TPRG1: variants seen among roughly 807,000 people sequenced by gnomAD.
TPRG1 encodes tumor protein p63-regulated gene 1 protein.
TPRG1 carries 29 observed loss-of-function variants against 29.3 expected under a neutral mutation model. That is an observed-to-expected ratio of 0.99 (90% CI 0.74 to 1.35). The LOEUF (loss-of-function observed/expected upper bound fraction) is 1.35. TPRG1 is among the 40% of genes most tolerant of loss of function. TPRG1 has a pLI of 0.00. For missense variants in TPRG1, 327 were observed against 335.0 expected (o/e 0.98, Z 0.19); for synonymous variants, 130 against 116.8 (o/e 1.11, Z -0.73).
intron 4 of TPRG1, among the ~76,000 whole-genome samples, chr3:189,075,111 A>G (rs73048792): frequency 0.058 from 8,781 of 150,758 alleles, 830 homozygotes; most frequent in African/African-American, 0.2. Flanking sequence ...GAGCGAATTC[A>G]TGCTCTGATT....
At position 189,085,977 on chromosome 3, in the gene TPRG1, T is replaced by C. The variant is rs566194634; in HGVS notation, c.-462-41080T>C. ...ATATGAAAGGGAATTTATTAAGGAG[T>C]GCTGACTCACACCATCGCAAGATGA... On this transcript the variant is annotated intron_variant, in intron 4 of 10. Coordinates refer to the TPRG1 transcript ENST00000433971. 6.6e-4 allele frequency among the ~76,000 whole-genome samples: 101 copies of C among 152,094 alleles called. 1 individual carries two copies. The South Asian group carries it at 0.02, about 29-fold the overall frequency.
intron 2 of TPRG1, among the ~76,000 whole-genome samples, chr3:189,129,444 G>T (rs958495810): frequency 1.3e-5 from 2 of 152,152 alleles, no homozygotes; most frequent in African/African-American, 4.8e-5. Flanking sequence ...ACTTGGTTAA[G>T]ATGGCATCTG....
intron 2 of TPRG1, among the ~76,000 whole-genome samples, chr3:189,128,925 G>A (rs897886502): frequency 4.6e-5 from 7 of 152,044 alleles, no homozygotes; most frequent in African/African-American, 9.7e-5. Flanking sequence ...GTGAGCTGCC[G>A]CACCCGGCCC....
At chr3:189,065,232 A>G (rs1447358057) in intron 4 of TPRG1, among the ~76,000 whole-genome samples, 3 of 152,158 alleles carry the variant, frequency 2.0e-5, no homozygotes, top group Non-Finnish European at 2.9e-5. Context: ...TTACTAAAGA[A>G]TAATACCAAA....
intron 4 of TPRG1, among the ~76,000 whole-genome samples, chr3:189,258,112 G>C (rs1488351322): frequency 6.6e-6 from 1 of 151,994 alleles, no homozygotes; most frequent in Non-Finnish European, 1.5e-5. Flanking sequence ...GCCTTTTTGT[G>C]CTGGTTTTTC....
intron 3 of TPRG1, among the ~76,000 whole-genome samples, chr3:189,218,639 G>A (rs1230043006): frequency 2.6e-5 from 4 of 152,174 alleles, no homozygotes; most frequent in Non-Finnish European, 5.9e-5. Flanking sequence ...GTGAACTTAC[G>A]TTAGCTTCAC....
chr3:189,306,923 A>C (rs1160047119), intron 4 of TPRG1, among the ~76,000 whole-genome samples: 1 of 152,226 alleles, frequency 6.6e-6, no homozygotes, highest in African/African-American at 2.4e-5. Flanking sequence ...TTCAGAAAGA[A>C]AACTTCCAAA....
chr3:189,277,849 A>C (rs1177857046), intron 4 of TPRG1, among the ~76,000 whole-genome samples: 1 of 152,208 alleles, frequency 6.6e-6, no homozygotes, highest in African/African-American at 2.4e-5. Context: ...CAACTTACTC[A>C]AAAATGGGGA....
intron 4 of TPRG1, among the ~76,000 whole-genome samples, chr3:189,264,635 G>A (rs1222621255): frequency 6.6e-6 from 1 of 151,726 alleles, no homozygotes; most frequent in Admixed American, 6.6e-5. Flanking sequence ...GACTACTAGA[G>A]TTTTTTTTCC....
intron 4 of TPRG1, among the ~76,000 whole-genome samples, chr3:189,034,041 G>A (rs1007873158): frequency 7.2e-5 from 11 of 152,148 alleles, no homozygotes; most frequent in Non-Finnish European, 1.5e-4. Context: ...GATGGTTTAC[G>A]TGTAGCTATG....
intron 1 of TPRG1, among the ~76,000 whole-genome samples, chr3:189,193,153 T>TTTTTTG (rs1731972669): frequency 7.0e-6 from 1 of 142,536 alleles, no homozygotes. Context: ...TTTTTTTTTT[T>TTTTTTG]GAGATGAGGT....
At chr3:189,233,831 G>A (rs910033674) in intron 3 of TPRG1, among the ~76,000 whole-genome samples, 1 of 152,024 alleles carries the variant, frequency 6.6e-6, no homozygotes, top group African/African-American at 2.4e-5. Context: ...CTGTGATTAG[G>A]GCCACAACTG....
chr3:189,051,975 C>G (rs550367706), intron 4 of TPRG1, among the ~76,000 whole-genome samples: 31 of 152,274 alleles, frequency 2.0e-4, no homozygotes, highest in Admixed American at 3.9e-4. Flanking sequence ...AACCTAATAC[C>G]TGAAACTATA....
intron 4 of TPRG1, among the ~76,000 whole-genome samples, chr3:189,291,983 G>C (rs1719076555): frequency 6.6e-6 from 1 of 152,224 alleles, no homozygotes; most frequent in Admixed American, 6.5e-5. Flanking sequence ...TGAGCTCCGG[G>C]AGGACAGGTA....
intron 4 of TPRG1, among the ~76,000 whole-genome samples, chr3:189,033,667 C>T (rs910084436): frequency 2.0e-5 from 3 of 151,818 alleles, no homozygotes; most frequent in Non-Finnish European, 4.4e-5. Flanking sequence ...GCAAGCTCCA[C>T]CTCCCGGGTT....
At chr3:189,279,587 G>A (rs1424764125) in intron 4 of TPRG1, among the ~76,000 whole-genome samples, 1 of 152,044 alleles carries the variant, frequency 6.6e-6, no homozygotes, top group Non-Finnish European at 1.5e-5. Context: ...CCTTTCTCAA[G>A]GGTTGTTGTG....
At chr3:189,144,103 T>A (rs1724932564) in intron 3 of TPRG1, among the ~76,000 whole-genome samples, 1 of 152,200 alleles carries the variant, frequency 6.6e-6, no homozygotes, top group Non-Finnish European at 1.5e-5. Flanking sequence ...GAGTTATCTC[T>A]GTTAAGAGTA....
chr3:189,185,244 C>T (rs1161775106), intron 1 of TPRG1, among the ~76,000 whole-genome samples: 2 of 151,682 alleles, frequency 1.3e-5, no homozygotes, highest in East Asian at 3.9e-4. Flanking sequence ...GAGACCTGAT[C>T]TCACTCAGTT....
chr3:189,313,390 G>A (rs1723007731), intron 5 of TPRG1, among the ~76,000 whole-genome samples: 1 of 152,194 alleles, frequency 6.6e-6, no homozygotes, highest in Admixed American at 6.5e-5. Context: ...TTTTAAAAGG[G>A]TTTAATAAAC....
Sources: allele counts gnomAD v4.1 joint callset (sites outside exome capture counted in the v4.1 genomes callset), GRCh38; gene constraint gnomAD v4.1.1; transcripts MANE v1.5; gene names NCBI Gene and HGNC (gene_info 2026-07-23, HGNC 2026-07-21).